Variants in PRKCD observed in about 807,000 individuals in gnomAD.
PRKCD encodes the protein protein kinase C delta type.
In PRKCD, 20 loss-of-function variants were observed where a neutral mutation model predicts 82.2. The observed-to-expected ratio is 0.24, with a 90% CI of 0.17 to 0.35. The LOEUF is 0.35. PRKCD is among the 10% of genes least tolerant of loss of function. PRKCD has a pLI of 1.00. For synonymous variants in PRKCD, 317 were observed against 337.0 expected, an observed-to-expected ratio of 0.94 and a Z score of 0.65; for missense variants, 607 against 899.0, an observed-to-expected ratio of 0.68 and a Z score of 4.15.
At chr3:53,173,365 T>C (rs1400663115) in intron 2 of PRKCD, among the ~76,000 whole-genome samples, 1 of 152,208 alleles carries the variant, frequency 6.6e-6, no homozygotes, top group Non-Finnish European at 1.5e-5. Flanking sequence ...ACCTGCCTTC[T>C]CTGGCCTGAC....
At chr3:53,161,505 C>T (rs1018250614) in intron 1 of PRKCD, 77 bp downstream of exon 1, 7 of 151,904 alleles carry the variant, frequency 4.6e-5, no homozygotes, top group African/African-American at 7.2e-5. Flanking sequence ...CCTTCCCGCC[C>T]CAGTTCCCGT....
rs373634550 is a variant in PRKCD at position 53,182,695 on chromosome 3, TATC to T, written c.572-423_572-421del. Among the ~76,000 whole-genome samples the T allele has an allele frequency of 4.7e-4, 71 of 152,360 alleles. No individual in the cohort carries two copies. In the East Asian group the frequency reaches 9.6e-3, roughly 21 times the overall value. ...TAGCCGCTCTGTGTAAGAAGTCTGT[TATC>T]ATTATTACACATGCTTTGTGTGTAT... On this transcript the variant is annotated intron_variant, in intron 7 of 18. Coordinates refer to ENST00000330452, the MANE Select transcript of PRKCD (RefSeq NM_006254.4).
intron 2 of PRKCD, among the ~76,000 whole-genome samples, chr3:53,176,036 A>G (rs1703202701): frequency 6.6e-6 from 1 of 152,086 alleles, no homozygotes; most frequent in Admixed American, 6.5e-5. Context: ...ATTCCTGTAG[A>G]CCCGTGCAAC....
intron 7 of PRKCD, 97 bp downstream of exon 7, chr3:53,181,829 A>G: frequency 6.4e-7 from 1 of 1,559,218 alleles, no homozygotes. Context: ...GCGCTCAGAG[A>G]GTGTATGCAC....
chr3:53,167,375 C>T (rs782221614), intron 2 of PRKCD, among the ~76,000 whole-genome samples: 40 of 152,294 alleles, frequency 2.6e-4, no homozygotes, highest in Non-Finnish European at 5.4e-4. Flanking sequence ...TCCCCACAAC[C>T]GTGGCTCCTT....
At chr3:53,187,059 A>ATGTG (rs145524309) in intron 14 of PRKCD, among the ~76,000 whole-genome samples, 37 of 151,142 alleles carry the variant, frequency 2.4e-4, no homozygotes, top group African/African-American at 5.1e-4. Flanking sequence ...CTAACCGTGT[A>ATGTG]TGTGTGTGTG....
chr3:53,189,840 T>C (rs1553670410), intron 17 of PRKCD, 33 bp from the exon 18 acceptor site: 1 of 1,613,498 alleles, frequency 6.2e-7, no homozygotes, highest in African/African-American at 1.3e-5. Flanking sequence ...CCATGGCCCT[T>C]GGGTGCTAAC....
chr3:53,184,552 G>A (rs1484066748), intron 9 of PRKCD, among the ~76,000 whole-genome samples: 3 of 151,702 alleles, frequency 2.0e-5, no homozygotes, highest in Admixed American at 6.6e-5. Flanking sequence ...GCGCATGCCT[G>A]TAATCCCAGC....
chr3:53,163,519 C>A lies in PRKCD; in HGVS notation c.-131-1585C>A, dbSNP rs373623964. ...AGAATTATTTGGGCTCCAATACTTG[C>A]TTGTGCCTGTTAAGAGCAAGAGACC... is the stretch of plus-strand genomic sequence containing the variant. On this transcript the variant is annotated intron_variant, in intron 1 of 18. Transcript: ENST00000330452. 1.9e-4 allele frequency among the ~76,000 whole-genome samples: 29 copies of A among 152,202 alleles called. No homozygotes were observed. In the East Asian group the frequency reaches 5.2e-3, roughly 27 times the overall value.
At chr3:53,176,681 A>C (rs2107247710) in intron 2 of PRKCD, among the ~76,000 whole-genome samples, 1 of 152,374 alleles carries the variant, frequency 6.6e-6, no homozygotes, top group African/African-American at 2.4e-5. Context: ...CACAAGTGGC[A>C]ACCTGAGGAG....
chr3:53,188,303 G>A (rs1429840392), intron 15 of PRKCD, among the ~76,000 whole-genome samples: 1 of 150,686 alleles, frequency 6.6e-6, no homozygotes, highest in Non-Finnish European at 1.5e-5. Context: ...GTGGAAGGTA[G>A]ACTTTGTACT....
chr3:53,167,418 A>G (rs782403803), intron 2 of PRKCD, among the ~76,000 whole-genome samples: 10 of 152,164 alleles, frequency 6.6e-5, no homozygotes, highest in African/African-American at 9.7e-5. Context: ...GAGGCTCAAG[A>G]GCATCAACTC....
intron 7 of PRKCD, among the ~76,000 whole-genome samples, chr3:53,182,920 C>T (rs1468346000): frequency 7.9e-5 from 12 of 152,318 alleles, no homozygotes; most frequent in South Asian, 2.1e-4. Flanking sequence ...CTGTCCTCTC[C>T]GCCCCGTCCT....
intron 10 of PRKCD, 86 bp downstream of exon 10, chr3:53,185,060 A>C (rs891947575): frequency 9.2e-5 from 113 of 1,231,678 alleles, no homozygotes; most frequent in Non-Finnish European, 1.3e-4. Flanking sequence ...GGAGCCACAG[A>C]CAGCCAGGAT....
intron 9 of PRKCD, among the ~76,000 whole-genome samples, chr3:53,184,042 T>C (rs981678968): frequency 2.6e-5 from 4 of 152,146 alleles, no homozygotes; most frequent in Middle Eastern, 3.2e-3. Flanking sequence ...CTTTAAATCA[T>C]GAAAGATTGG....
rs370418343 is a variant in PRKCD at position 53,163,513 on chromosome 3, T to A, written c.-131-1591T>A. Among the ~76,000 whole-genome samples the A allele has an allele frequency of 9.9e-5, 15 of 152,186 alleles. No homozygotes were observed. The South Asian group carries it at 2.1e-3, about 21-fold the overall frequency. ...TACCCAAGAATTATTTGGGCTCCAATACTTGCTTGTGCCTGTTAAGAGCAA... is the reference window on the plus strand; with the variant it reads ...TACCCAAGAATTATTTGGGCTCCAAAACTTGCTTGTGCCTGTTAAGAGCAA... On this transcript the variant is annotated intron_variant, in intron 1 of 18. Coordinates refer to ENST00000330452, the MANE Select transcript of PRKCD (RefSeq NM_006254.4).
At chr3:53,182,847 G>A (rs570321352) in intron 7 of PRKCD, among the ~76,000 whole-genome samples, 6 of 152,160 alleles carry the variant, frequency 3.9e-5, no homozygotes, top group South Asian at 2.1e-4. Flanking sequence ...CCCTGTGCCC[G>A]CTAACTTCTG....
At chr3:53,165,066 G>C (rs577976378) in intron 1 of PRKCD, 38 bp from the exon 2 acceptor site, 1 of 152,344 alleles carries the variant, frequency 6.6e-6, no homozygotes, top group African/African-American at 2.4e-5. Context: ...CTGTTTGGCG[G>C]TGCCTCCCGG....
intron 7 of PRKCD, among the ~76,000 whole-genome samples, chr3:53,182,311 C>T (rs1703476253): frequency 6.6e-6 from 1 of 152,000 alleles, no homozygotes; most frequent in Non-Finnish European, 1.5e-5. Flanking sequence ...TTCTGTTGCC[C>T]AAGCTAGAGT....
Sources: gnomAD v4.1 joint callset for allele counts (sites outside exome capture counted in the v4.1 genomes callset) on GRCh38, gnomAD v4.1.1 for gene constraint, MANE v1.5 for transcripts, NCBI Gene and HGNC (gene_info 2026-07-23, HGNC 2026-07-21) for gene names.